The following CNST variants were observed in gnomAD, a reference collection of about 807,000 sequenced individuals.
CNST encodes consortin, connexin sorting protein, also known as consortin.
Under a neutral mutation model 72.4 loss-of-function variants are expected in CNST, and 39 were observed. That is an observed-to-expected ratio of 0.54 (90% CI 0.42 to 0.70). The LOEUF is 0.70. Ranked by LOEUF, CNST falls within the 30% of genes least tolerant of loss-of-function variation. The pLI is 0.00. For synonymous variants in CNST, 332 were observed against 320.1 expected, an observed-to-expected ratio of 1.04 and a Z score of -0.40; for missense variants, 871 against 868.5, an observed-to-expected ratio of 1.00 and a Z score of -0.04.
chr1:246,628,075 C>A (rs1288388753), intron 3 of CNST, among the ~76,000 whole-genome samples: 1 of 152,052 alleles, frequency 6.6e-6, no homozygotes, highest in South Asian at 2.1e-4. Flanking sequence ...ACATCCAGCA[C>A]GCGAGAAAGA....
intron 9 of CNST, among the ~76,000 whole-genome samples, chr1:246,653,606 AC>A (rs1572246691): frequency 6.6e-6 from 1 of 152,192 alleles, no homozygotes; most frequent in Non-Finnish European, 1.5e-5. Context: ...CCCAGGAATT[AC>A]CTGTTTTCCA....
intron 3 of CNST, among the ~76,000 whole-genome samples, chr1:246,621,912 T>C (rs1254973210): frequency 6.6e-6 from 1 of 152,112 alleles, no homozygotes; most frequent in East Asian, 1.9e-4. Flanking sequence ...GGACGATCAC[T>C]CAAGCCTGGG....
intron 2 of CNST, among the ~76,000 whole-genome samples, chr1:246,594,774 A>T (rs1661767158): frequency 1.3e-5 from 2 of 152,196 alleles, no homozygotes; most frequent in African/African-American, 4.8e-5. Flanking sequence ...GTCTCAAAAG[A>T]GTAAGAAAAC....
At chr1:246,652,916 A>G (rs1207719787) in intron 9 of CNST, among the ~76,000 whole-genome samples, 1 of 148,604 alleles carries the variant, frequency 6.7e-6, no homozygotes, top group Non-Finnish European at 1.5e-5. Flanking sequence ...AGGCAGGAGA[A>G]TGGCGTGAAC....
intron 1 of CNST, among the ~76,000 whole-genome samples, chr1:246,589,398 AATG>A (rs1463202005): frequency 2.0e-5 from 3 of 151,576 alleles, no homozygotes; most frequent in African/African-American, 7.3e-5. Flanking sequence ...GTTTGCTGAG[AATG>A]ATGGTTTCCA....
intron 9 of CNST, among the ~76,000 whole-genome samples, chr1:246,654,133 G>A (rs950154478): frequency 6.6e-6 from 1 of 152,104 alleles, no homozygotes; most frequent in Non-Finnish European, 1.5e-5. Context: ...CGACATTCAG[G>A]ACTCCTGTCA....
rs530102983 is a variant in CNST at position 246,661,583 on chromosome 1, C to T, written c.1972+1249C>T. ...ACTTCTTCGTCCTGGGCCTGTCAAA[C>T]TTAAGGCCCTGACTTGGTCTAACAT... is the stretch of plus-strand genomic sequence containing the variant. On this transcript the variant is annotated intron_variant, in intron 10 of 10. Transcript: ENST00000366513. Among the ~76,000 whole-genome samples, 40 of 152,326 alleles carry T rather than the reference C, an allele frequency of 2.6e-4. 1 individual carries two copies. The South Asian group carries it at 8.1e-3, about 31-fold the overall frequency.
rs761169231 is a variant in CNST at position 246,665,740 on chromosome 1, G to C, written c.2013G>C (p.Leu671=). ...GGGSCILLVL[L]CIATVFLSVG... ...GCTCCTGTATTTTGCTGGTCTTGCT[G>C]TGCATAGCAACGGTTTTCCTCAGTG... Residue 671 remains leucine, a synonymous_variant, in exon 11 of 11, where the codon CTG becomes CTC. Coordinates refer to ENST00000366513, the MANE Select transcript of CNST (RefSeq NM_152609.3). The C allele has an allele frequency of 6.2e-7, 1 of 1,613,578 alleles. No homozygotes were observed.
chr1:246,652,770 C>G (rs12566422), intron 9 of CNST, among the ~76,000 whole-genome samples: 1 of 144,292 alleles, frequency 6.9e-6, no homozygotes, highest in East Asian at 2.0e-4. Flanking sequence ...TTTGGGAGGC[C>G]AAGGCGGGCG....
intron 8 of CNST, among the ~76,000 whole-genome samples, chr1:246,643,001 G>A (rs1430231210): frequency 2.0e-5 from 3 of 149,106 alleles, no homozygotes; most frequent in Admixed American, 6.7e-5. Flanking sequence ...TAATCCTCCC[G>A]CCTCAGTCTC....
intron 10 of CNST, among the ~76,000 whole-genome samples, chr1:246,662,134 T>C (rs1384416318): frequency 6.6e-6 from 1 of 152,196 alleles, no homozygotes; most frequent in Non-Finnish European, 1.5e-5. Flanking sequence ...TGTCAGATAA[T>C]ATGTATAAAT....
In CNST at chr1:246,616,996, T is replaced by C. The variant is rs143663482; in HGVS notation, c.380-4433T>C. ...CTTTAATATTACTTTAAAATCTTAGTATATTATAAAGACACACAATTCACA... is the reference window on the plus strand; with the variant it reads ...CTTTAATATTACTTTAAAATCTTAGCATATTATAAAGACACACAATTCACA... On this transcript the variant is annotated intron_variant, in intron 2 of 10. Coordinates refer to ENST00000366513, the MANE Select transcript of CNST (RefSeq NM_152609.3). Among the ~76,000 whole-genome samples, 53 of 152,310 alleles carry C rather than the reference T, an allele frequency of 3.5e-4. 1 individual carries two copies. In the East Asian group the frequency reaches 9.8e-3, roughly 28 times the overall value.
intron 9 of CNST, among the ~76,000 whole-genome samples, chr1:246,649,148 A>G (rs1283063845): frequency 7.1e-6 from 1 of 141,064 alleles, no homozygotes; most frequent in Non-Finnish European, 1.5e-5. Flanking sequence ...AATTCTCTAC[A>G]GACTGTTGTT....
chr1:246,625,414 C>CTTTTTT (rs61588900), intron 3 of CNST, among the ~76,000 whole-genome samples: 19 of 56,074 alleles, frequency 3.4e-4, no homozygotes, highest in Non-Finnish European at 4.3e-4. Context: ...TTATTTCTTT[C>CTTTTTT]TTTTTTTTTT....
chr1:246,647,268 G>A lies in CNST; in HGVS notation c.1067G>A (p.Gly356Glu), dbSNP rs1461767381. The A allele has an allele frequency of 6.2e-7, 1 of 1,614,170 alleles. No individual in the cohort carries two copies. The highest frequency in any genetic ancestry group is 8.5e-7 in the Non-Finnish European group (1 of 1,180,036). ...TDSPSLSVTA[G>E]KDHMEELLCS... Reference sequence around the variant, plus strand: ...TCCCCAAGCCTTTCGGTAACTGCAGGAAAGGACCACATGGAGGAGCTGCTC... The same window carrying A: ...TCCCCAAGCCTTTCGGTAACTGCAGAAAAGGACCACATGGAGGAGCTGCTC... The change falls in exon 9 of 11, where the codon GGA becomes GAA. Residue 356 changes from glycine to glutamate, a missense_variant. Transcript: ENST00000366513.
In CNST at chr1:246,642,133, GTTTTTTT is replaced by G. The variant is rs74163469; in HGVS notation, c.937+111_937+117del. ...CATCTGAATTGCTGCAAAGGATCTG[GTTTTTTT>G]TTTTTTTTTTTTTTGCACTTACATT... On this transcript the variant is annotated intron_variant, in intron 8 of 10. Coordinates refer to ENST00000366513, the MANE Select transcript of CNST (RefSeq NM_152609.3). The G allele has an allele frequency of 1.4e-4, 27 of 187,588 alleles. 1 individual carries two copies. The highest frequency in any genetic ancestry group is 1.1e-3 in the South Asian group (13 of 12,036). The allele number at this position is 187,588 out of a possible 1,614,324, so 11.6% of individuals were successfully genotyped here.
intron 3 of CNST, among the ~76,000 whole-genome samples, chr1:246,624,424 T>A (rs1664289725): frequency 6.6e-6 from 1 of 152,250 alleles, no homozygotes; most frequent in South Asian, 2.1e-4. Flanking sequence ...GGATAATGCA[T>A]GTAAAAGCAC....
chr1:246,647,633 A>G lies in CNST; in HGVS notation c.1432A>G (p.Asn478Asp), dbSNP rs540152945. 1.2e-6 allele frequency: 2 copies of G among 1,614,222 alleles called. No homozygotes were observed. Among genetic ancestry groups the G allele is most frequent in the African/African-American group, 2.7e-5 (2 of 75,068 alleles). The change falls in exon 9 of 11, where the codon AAC becomes GAC. Residue 478 changes from asparagine to aspartate, a missense_variant. Coordinates refer to ENST00000366513, the MANE Select transcript of CNST (RefSeq NM_152609.3). ...GGCGTTGCCCACAGACCAACTTGAG[A>G]ACAATGAATTAAATGAGCTGCAGCA... ...SEALPTDQLE[N>D]NELNELQQPD... is the part of the protein sequence containing the mutation.
At chr1:246,572,697 T>A (rs1660139626) in intron 1 of CNST, among the ~76,000 whole-genome samples, 1 of 152,096 alleles carries the variant, frequency 6.6e-6, no homozygotes. Context: ...AGTTATTTAT[T>A]TATGTGTGTG....
Sources: allele counts gnomAD v4.1 joint callset (sites outside exome capture counted in the v4.1 genomes callset), GRCh38; gene constraint gnomAD v4.1.1; transcripts MANE v1.5; gene names NCBI Gene and HGNC (gene_info 2026-07-23, HGNC 2026-07-21).